ACYP2: variants seen among roughly 807,000 people sequenced by gnomAD.
ACYP2 encodes the protein acylphosphatase 2.
ACYP2 carries 12 observed loss-of-function variants against 11.2 expected under a neutral mutation model. The observed-to-expected ratio is 1.08, with a 90% CI of 0.69 to 1.74. The LOEUF (loss-of-function observed/expected upper bound fraction) is 1.74. Ranked by LOEUF, ACYP2 falls within the 40% of genes most tolerant of loss-of-function variation. ACYP2 has a pLI of 0.00. For missense variants in ACYP2, 134 were observed against 101.9 expected (o/e 1.31, Z -1.35); for synonymous variants, 43 against 32.2 (o/e 1.33, Z -1.13).
chr2:54,165,653 T>A (rs1470452444), intron 6 of ACYP2, among the ~76,000 whole-genome samples: 1 of 151,958 alleles, frequency 6.6e-6, no homozygotes, highest in Non-Finnish European at 1.5e-5. Context: ...GCCCCATCCA[T>A]GTTAAGATGG....
intron 4 of ACYP2, chr2:54,123,523 A>G (rs1680276287): frequency 2.5e-6 from 1 of 397,918 alleles, no homozygotes; most frequent in Non-Finnish European, 4.4e-6. Flanking sequence ...AGTTTTTAGT[A>G]TATTCACAAT....
intron 6 of ACYP2, among the ~76,000 whole-genome samples, chr2:54,180,141 A>G (rs953547769): frequency 2.6e-5 from 4 of 152,200 alleles, no homozygotes; most frequent in African/African-American, 9.6e-5. Flanking sequence ...TTAGAGATGC[A>G]TAGTGCATGC....
chr2:54,061,235 A>G (rs1324607360), intron 4 of ACYP2, among the ~76,000 whole-genome samples: 2 of 152,146 alleles, frequency 1.3e-5, no homozygotes, highest in African/African-American at 2.4e-5. Flanking sequence ...GATGACTTTT[A>G]TGTCTTAGAA....
In ACYP2 at chr2:54,023,882, G is replaced by T. The variant is rs1006081416; in HGVS notation, c.63-27076G>T. ...CTACCAGACATTCAAAGAAGAAGTG[G>T]TACCAATTCTGTTGACACTATTCCA... On this transcript the variant is annotated intron_variant, in intron 2 of 6. Transcript: ENST00000607452. Among the ~76,000 whole-genome samples, 9 of 152,226 alleles carry T rather than the reference G, an allele frequency of 5.9e-5. 1 individual carries two copies. Among genetic ancestry groups the T allele is most frequent in the Admixed American group, 5.9e-4 (9 of 15,278 alleles).
intron 4 of ACYP2, among the ~76,000 whole-genome samples, chr2:54,109,377 A>G (rs555961623): frequency 6.6e-6 from 1 of 152,172 alleles, no homozygotes; most frequent in Admixed American, 6.5e-5. Context: ...GCAAAGGCAT[A>G]AAAATGACAC....
chr2:54,257,975 T>G (rs1175372440), intron 6 of ACYP2, among the ~76,000 whole-genome samples: 1 of 152,228 alleles, frequency 6.6e-6, no homozygotes, highest in Non-Finnish European at 1.5e-5. Flanking sequence ...TAATCCATTT[T>G]TATATTTATT....
chr2:54,242,750 G>T (rs1004651064), intron 6 of ACYP2, among the ~76,000 whole-genome samples: 2 of 152,212 alleles, frequency 1.3e-5, no homozygotes, highest in South Asian at 2.1e-4. Context: ...GACAGCCTAG[G>T]TTTGTAGCCT....
At chr2:54,094,489 A>G (rs1678408196) in intron 4 of ACYP2, among the ~76,000 whole-genome samples, 1 of 152,060 alleles carries the variant, frequency 6.6e-6, no homozygotes, top group East Asian at 1.9e-4. Context: ...TCGGCCTCCC[A>G]AAGTGCTGGG....
intron 2 of ACYP2, among the ~76,000 whole-genome samples, chr2:54,040,892 TGAGG>T (rs1675185028): frequency 6.6e-6 from 1 of 151,890 alleles, no homozygotes; most frequent in Non-Finnish European, 1.5e-5. Flanking sequence ...AAAGAGGAAG[TGAGG>T]TCAACAGAGG....
intron 6 of ACYP2, among the ~76,000 whole-genome samples, chr2:54,221,900 G>T (rs1022908669): frequency 7.9e-5 from 12 of 152,098 alleles, no homozygotes; most frequent in African/African-American, 2.4e-4. Context: ...AACCTGGCTG[G>T]CACTACAAGT....
At chr2:54,135,402 C>T (rs1345623927) in intron 4 of ACYP2, 51 bp from the exon 2 acceptor site, 1 of 1,570,782 alleles carries the variant, frequency 6.4e-7, no homozygotes, top group South Asian at 1.2e-5. Context: ...AAACATATAA[C>T]CTTTTAAAGG....
chr2:54,146,618 G>T (rs974342450), intron 6 of ACYP2, among the ~76,000 whole-genome samples: 3 of 151,612 alleles, frequency 2.0e-5, no homozygotes, highest in Non-Finnish European at 4.4e-5. Context: ...TTGTTATTAT[G>T]TGGGAAATTA....
At chr2:54,256,262 T>TCTTCAGTCTCGCGACACCCACC in intron 6 of ACYP2, 2 of 1,281,260 alleles carry the variant, frequency 1.6e-6, no homozygotes, top group South Asian at 2.9e-5. Flanking sequence ...CGCCGCCCAC[T>TCTTCAGTCTCGCGACACCCACC]CTTCAGTCTC....
At chr2:54,059,408 T>G (rs546455108) in intron 4 of ACYP2, among the ~76,000 whole-genome samples, 5 of 152,080 alleles carry the variant, frequency 3.3e-5, no homozygotes, top group Admixed American at 6.5e-5. Flanking sequence ...TTAGTAGAGA[T>G]AGGGTTTCAC....
chr2:54,030,316 G>T (rs544015316), intron 2 of ACYP2, among the ~76,000 whole-genome samples: 1 of 152,078 alleles, frequency 6.6e-6, no homozygotes, highest in South Asian at 2.1e-4. Context: ...AGATTTCGTC[G>T]ACTCCTGGCA....
chr2:54,131,873 C>G (rs1680917851), intron 4 of ACYP2, among the ~76,000 whole-genome samples: 1 of 152,170 alleles, frequency 6.6e-6, no homozygotes, highest in Non-Finnish European at 1.5e-5. Context: ...TGGGCTCCAC[C>G]TGTAGCATTT....
At chr2:54,125,824 GT>G (rs1680459807) in intron 4 of ACYP2, among the ~76,000 whole-genome samples, 1 of 152,120 alleles carries the variant, frequency 6.6e-6, no homozygotes, top group African/African-American at 2.4e-5. Flanking sequence ...GCTCACGCCT[GT>G]AATCCCAGCA....
rs543537210 is a variant in ACYP2, at chr2:53,990,807, T to C, written c.62+16997T>C. Among the ~76,000 whole-genome samples the C allele has an allele frequency of 4.6e-5, 7 of 152,184 alleles. 1 individual carries two copies. The South Asian group carries it at 1.5e-3, about 32-fold the overall frequency. On this transcript the variant is annotated intron_variant, in intron 2 of 6. Coordinates refer to ENST00000607452, the MANE Select transcript of ACYP2 (RefSeq NM_001320586.2). ...TGCGTTTTTTTTTTGTTTTGTTTTT[T>C]GTTTTTTAAGGCAGAGTCTCGCTCT... is the stretch of plus-strand genomic sequence containing the variant.
intron 2 of ACYP2, among the ~76,000 whole-genome samples, chr2:53,979,174 C>T (rs1671632591): frequency 6.6e-6 from 1 of 152,032 alleles, no homozygotes; most frequent in Non-Finnish European, 1.5e-5. Flanking sequence ...CCCTTGAAGA[C>T]CTTCCAGTGC....
Sources: allele counts gnomAD v4.1 joint callset (sites outside exome capture counted in the v4.1 genomes callset), GRCh38; gene constraint gnomAD v4.1.1; transcripts MANE v1.5; gene names NCBI Gene and HGNC (gene_info 2026-07-23, HGNC 2026-07-21).